The following UNC5D variants were observed in gnomAD, a reference collection of about 807,000 sequenced individuals.
The protein encoded by UNC5D is netrin receptor UNC5D.
In UNC5D, 39 loss-of-function variants were observed where a neutral mutation model predicts 105.4. That is an observed-to-expected ratio of 0.37 (90% CI 0.29 to 0.48). The LOEUF is 0.48. UNC5D is among the 20% of genes least tolerant of loss of function. The pLI is 0.98. For missense variants in UNC5D, 991 were observed against 1,202.4 expected (o/e 0.82, Z 2.60); for synonymous variants, 452 against 450.4 (o/e 1.00, Z -0.04).
intron 1 of UNC5D, among the ~76,000 whole-genome samples, chr8:35,245,511 G>A (rs903208477): frequency 8.5e-5 from 13 of 152,094 alleles, no homozygotes; most frequent in African/African-American, 2.9e-4. Flanking sequence ...CAATCAGGAT[G>A]TTCACAGGTT....
At chr8:35,779,198 G>A (rs1251254345) in intron 16 of UNC5D, among the ~76,000 whole-genome samples, 3 of 152,146 alleles carry the variant, frequency 2.0e-5, no homozygotes, top group East Asian at 1.9e-4. Context: ...GTAGAACTGC[G>A]AAATAACGAA....
chr8:35,332,956 G>A (rs1005889179), intron 1 of UNC5D, among the ~76,000 whole-genome samples: 1 of 152,162 alleles, frequency 6.6e-6, no homozygotes, highest in African/African-American at 2.4e-5. Context: ...TTCTAATCAA[G>A]TACTTACATA....
chr8:35,681,524 T>C (rs934789624), intron 4 of UNC5D, among the ~76,000 whole-genome samples: 1 of 152,226 alleles, frequency 6.6e-6, no homozygotes, highest in Non-Finnish European at 1.5e-5. Flanking sequence ...GAAGATATTG[T>C]GTCACAGGCT....
At chr8:35,248,730 T>A (rs1269025369) in intron 1 of UNC5D, among the ~76,000 whole-genome samples, 1 of 99,884 alleles carries the variant, frequency 1.0e-5, no homozygotes, top group Non-Finnish European at 1.7e-5. Flanking sequence ...TATATAAAAA[T>A]ATATAATATA....
At chr8:35,518,370 A>G (rs971248079) in intron 1 of UNC5D, among the ~76,000 whole-genome samples, 2 of 152,168 alleles carry the variant, frequency 1.3e-5, no homozygotes, top group Non-Finnish European at 2.9e-5. Flanking sequence ...TACTTGTAAT[A>G]CATATTGCAT....
At chr8:35,247,636 T>C (rs1460733286) in intron 1 of UNC5D, among the ~76,000 whole-genome samples, 8 of 71,178 alleles carry the variant, frequency 1.1e-4, no homozygotes, top group Non-Finnish European at 1.7e-4. Flanking sequence ...ATATATAATA[T>C]ATAAATATAT....
chr8:35,672,456 C>T (rs988426884), intron 4 of UNC5D, among the ~76,000 whole-genome samples: 2 of 152,104 alleles, frequency 1.3e-5, no homozygotes, highest in Non-Finnish European at 2.9e-5. Flanking sequence ...TGTTTTAGAG[C>T]ACTCTGGATA....
intron 4 of UNC5D, among the ~76,000 whole-genome samples, chr8:35,637,780 A>T (rs1647128264): frequency 6.6e-6 from 1 of 152,236 alleles, no homozygotes; most frequent in African/African-American, 2.4e-5. Flanking sequence ...ATTTCCAAAG[A>T]GAGGACTTCT....
At chr8:35,482,590 C>T (rs1243332906) in intron 1 of UNC5D, among the ~76,000 whole-genome samples, 7 of 151,988 alleles carry the variant, frequency 4.6e-5, no homozygotes, top group South Asian at 2.1e-4. Flanking sequence ...CTAAATGAGG[C>T]CTGTTAATAA....
At chr8:35,423,664 G>A (rs1005394747) in intron 1 of UNC5D, among the ~76,000 whole-genome samples, 1 of 152,144 alleles carries the variant, frequency 6.6e-6, no homozygotes, top group Admixed American at 6.5e-5. Flanking sequence ...TTTAACAAGT[G>A]TCATGTTTTG....
chr8:35,467,996 T>G (rs1809434622), intron 1 of UNC5D, among the ~76,000 whole-genome samples: 1 of 152,196 alleles, frequency 6.6e-6, no homozygotes, highest in Non-Finnish European at 1.5e-5. Context: ...TAAGATTCTC[T>G]CAAAGAAATT....
chr8:35,447,040 A>G (rs1219889879), intron 1 of UNC5D, among the ~76,000 whole-genome samples: 1 of 152,078 alleles, frequency 6.6e-6, no homozygotes, highest in African/African-American at 2.4e-5. Context: ...CATTATCCTC[A>G]GAGCTAAGAG....
At chr8:35,249,027 T>TTA (rs1226711608) in intron 1 of UNC5D, among the ~76,000 whole-genome samples, 6 of 32,648 alleles carry the variant, frequency 1.8e-4, no homozygotes, top group African/African-American at 3.1e-4. Context: ...TTATATATGT[T>TTA]TATATAATAT....
At chr8:35,249,869 G>A (rs758188528) in intron 1 of UNC5D, among the ~76,000 whole-genome samples, 11 of 152,010 alleles carry the variant, frequency 7.2e-5, no homozygotes, top group Non-Finnish European at 1.5e-4. Context: ...GTGTCTTGCT[G>A]CTAGAAATAG....
At chr8:35,654,605 T>C (rs145888422) in intron 4 of UNC5D, among the ~76,000 whole-genome samples, 131 of 152,312 alleles carry the variant, frequency 8.6e-4, no homozygotes, top group Non-Finnish European at 1.6e-3. Flanking sequence ...AGCCTGGCGA[T>C]GCTTTTCAAA....
chr8:35,545,421 A>AC (rs1258144363), intron 1 of UNC5D, among the ~76,000 whole-genome samples: 1 of 145,750 alleles, frequency 6.9e-6, no homozygotes, highest in Non-Finnish European at 1.5e-5. Flanking sequence ...TGGGTTGGAG[A>AC]GGGGGAGAGA....
chr8:35,607,813 A>G (rs1476192745), intron 4 of UNC5D, among the ~76,000 whole-genome samples: 1 of 152,110 alleles, frequency 6.6e-6, no homozygotes, highest in Admixed American at 6.6e-5. Flanking sequence ...ACTATGAGTC[A>G]AATAAACTTC....
intron 1 of UNC5D, among the ~76,000 whole-genome samples, chr8:35,424,768 T>C (rs1806132393): frequency 6.6e-6 from 1 of 152,190 alleles, no homozygotes; most frequent in Non-Finnish European, 1.5e-5. Flanking sequence ...CTGGAGGCCT[T>C]CTCTTATTCT....
intron 8 of UNC5D, among the ~76,000 whole-genome samples, chr8:35,720,613 CCTT>C (rs1187773841): frequency 1.3e-5 from 2 of 152,148 alleles, no homozygotes; most frequent in Admixed American, 6.5e-5. Context: ...TAGCTGCCCT[CCTT>C]CTTACCACAC....
Sources: allele counts gnomAD v4.1 joint callset (sites outside exome capture counted in the v4.1 genomes callset), GRCh38; gene constraint gnomAD v4.1.1; transcripts MANE v1.5; gene names NCBI Gene and HGNC (gene_info 2026-07-23, HGNC 2026-07-21).